Variants in PTPRD observed in about 807,000 individuals in gnomAD.
The protein encoded by PTPRD is protein tyrosine phosphatase receptor type D, also known as receptor-type tyrosine-protein phosphatase delta.
PTPRD carries 34 observed loss-of-function variants against 214.5 expected under a neutral mutation model. That is an observed-to-expected ratio of 0.16 (90% CI 0.12 to 0.21). The LOEUF (loss-of-function observed/expected upper bound fraction) is 0.21, where lower values mean the gene tolerates loss of function less well. Among genes scored for constraint, PTPRD ranks in the 10% least tolerant of loss-of-function variants. The pLI is 1.00. For synonymous variants in PTPRD, 1,128 were observed against 845.7 expected (o/e 1.33, Z -5.79); for missense variants, 2,545 against 2,398.7 (o/e 1.06, Z -1.27).
At chr9:10,070,644 A>C (rs930072653) in intron 3 of PTPRD, among the ~76,000 whole-genome samples, 5 of 152,070 alleles carry the variant, frequency 3.3e-5, no homozygotes, top group Non-Finnish European at 7.4e-5. Context: ...ATTTTAATTA[A>C]TAACAGAAGT....
At position 8,518,006 on chromosome 9, in the gene PTPRD, T is replaced by C; in HGVS notation, c.1385A>G (p.His462Arg). The C allele has an allele frequency of 1.2e-6, 2 of 1,614,204 alleles. No individual in the cohort carries two copies. The highest frequency in any genetic ancestry group is 1.7e-6 in the Non-Finnish European group (2 of 1,180,018). ...ATTGTGTTTCATCCAGTTGTTGACATGTTGAGTGGGATCCATTGTATAATA... is the reference window on the plus strand; with the variant it reads ...ATTGTGTTTCATCCAGTTGTTGACACGTTGAGTGGGATCCATTGTATAATA... ...RVYYTMDPTQ[H>R]VNNWMKHNVA... The change falls in exon 21 of 46, where the codon CAT (histidine) becomes CGT (arginine). Residue 462 changes from histidine to arginine, a missense_variant. Transcript: ENST00000381196.
chr9:8,959,367 T>A (rs945733411), intron 11 of PTPRD, among the ~76,000 whole-genome samples: 2 of 152,026 alleles, frequency 1.3e-5, no homozygotes, highest in African/African-American at 4.8e-5. Flanking sequence ...ATATATGAGT[T>A]GAGGAGAGCC....
chr9:10,231,969 AG>A (rs2099611888), intron 3 of PTPRD, among the ~76,000 whole-genome samples: 1 of 96,494 alleles, frequency 1.0e-5, no homozygotes, highest in Non-Finnish European at 2.2e-5. Context: ...AGAGAGAGAG[AG>A]AGAGAGAGAG....
Position 8,957,371 on chromosome 9 carries a change from A to AT in PTPRD, c.-104+61325dup, listed in dbSNP as rs1004151125. On this transcript the variant is annotated intron_variant, in intron 11 of 45. Coordinates refer to ENST00000381196, the MANE Select transcript of PTPRD (RefSeq NM_002839.4). ...GCTTTATTCCACAGCATGGATCTTC[A>AT]TTTTTTTTTATAGCCTTGTCTACAT... Among the ~76,000 whole-genome samples the AT allele has an allele frequency of 1.3e-4, 19 of 150,660 alleles. No individual in the cohort carries two copies. The East Asian group carries it at 1.6e-3, about 12-fold the overall frequency.
At chr9:10,120,339 C>G (rs2098764711) in intron 3 of PTPRD, among the ~76,000 whole-genome samples, 1 of 151,914 alleles carries the variant, frequency 6.6e-6, no homozygotes, top group South Asian at 2.1e-4. Context: ...TAAGTATTAT[C>G]TCTTTTAATC....
At chr9:9,032,541 A>G (rs1357724944) in intron 10 of PTPRD, among the ~76,000 whole-genome samples, 2 of 152,078 alleles carry the variant, frequency 1.3e-5, no homozygotes, top group South Asian at 2.1e-4. Flanking sequence ...CTTGCCCCCA[A>G]GGACTGCAGG....
At chr9:9,826,948 G>C (rs971291432) in intron 5 of PTPRD, among the ~76,000 whole-genome samples, 4 of 152,032 alleles carry the variant, frequency 2.6e-5, no homozygotes, top group African/African-American at 9.7e-5. Flanking sequence ...ACTTACAAGG[G>C]ATGTGAAGGA....
chr9:10,571,911 C>G (rs2067573596), intron 2 of PTPRD, among the ~76,000 whole-genome samples: 1 of 152,186 alleles, frequency 6.6e-6, no homozygotes, highest in Non-Finnish European at 1.5e-5. Context: ...TCGCCCACTA[C>G]TCACCTCCTG....
chr9:8,524,830 T>C, intron 18 of PTPRD, 95 bp downstream of exon 18: 1 of 1,006,972 alleles, frequency 9.9e-7, no homozygotes, highest in Non-Finnish European at 1.6e-6. Flanking sequence ...CCAAACCAGC[T>C]TGTTAACTAC....
At chr9:10,524,532 G>A (rs1052294400) in intron 2 of PTPRD, among the ~76,000 whole-genome samples, 2 of 151,716 alleles carry the variant, frequency 1.3e-5, no homozygotes, top group African/African-American at 4.8e-5. Context: ...AAAAATCATT[G>A]CATTAACAGA....
chr9:8,585,661 T>C (rs1266594730), intron 14 of PTPRD, among the ~76,000 whole-genome samples: 1 of 152,230 alleles, frequency 6.6e-6, no homozygotes, highest in East Asian at 1.9e-4. Context: ...CTTGCTCAGA[T>C]GAAATGTATT....
At position 8,337,867 on chromosome 9, in the gene PTPRD, A is replaced by G. The variant is rs966641536; in HGVS notation, c.5379+1055T>C. Among the ~76,000 whole-genome samples the G allele has an allele frequency of 1.9e-4, 28 of 147,612 alleles. 1 individual carries two copies. The highest frequency in any genetic ancestry group is 3.4e-3 in the Middle Eastern group (1 of 290). ...CATACCTAGCTTCAAATTCTGAAAGAGCACTATTTTTTTTTTTTTTAAACG... is the reference window on the plus strand; with the variant it reads ...CATACCTAGCTTCAAATTCTGAAAGGGCACTATTTTTTTTTTTTTTAAACG... On this transcript the variant is annotated intron_variant, in intron 43 of 45. Transcript: ENST00000381196.
intron 12 of PTPRD, among the ~76,000 whole-genome samples, chr9:8,677,464 T>G (rs2097450620): frequency 6.6e-6 from 1 of 152,098 alleles, no homozygotes; most frequent in Non-Finnish European, 1.5e-5. Flanking sequence ...AAACGGGAGC[T>G]AAACATTGAG....
chr9:9,854,500 A>G (rs1213547783), intron 5 of PTPRD, among the ~76,000 whole-genome samples: 5 of 150,438 alleles, frequency 3.3e-5, no homozygotes, highest in African/African-American at 1.2e-4. Context: ...GAAAAAAAAG[A>G]TATCTAATTT....
At chr9:9,453,524 A>G (rs999665045) in intron 8 of PTPRD, among the ~76,000 whole-genome samples, 1 of 151,664 alleles carries the variant, frequency 6.6e-6, no homozygotes, top group Non-Finnish European at 1.5e-5. Flanking sequence ...AGGTTGCCTT[A>G]TTAAATTACA....
At chr9:10,237,069 A>G (rs1364209342) in intron 3 of PTPRD, among the ~76,000 whole-genome samples, 4 of 151,872 alleles carry the variant, frequency 2.6e-5, no homozygotes, top group Non-Finnish European at 1.5e-5. Flanking sequence ...AGTCAACCCT[A>G]ATGTAAACTA....
At chr9:9,888,836 C>A (rs79534659) in intron 5 of PTPRD, among the ~76,000 whole-genome samples, 1 of 152,184 alleles carries the variant, frequency 6.6e-6, no homozygotes, top group East Asian at 1.9e-4. Flanking sequence ...TGTAGAGAAA[C>A]TGACCCAACA....
chr9:10,463,630 CTA>C (rs2098973831), intron 2 of PTPRD, among the ~76,000 whole-genome samples: 1 of 150,634 alleles, frequency 6.6e-6, no homozygotes, highest in South Asian at 2.1e-4. Flanking sequence ...GTTTTTTTTT[CTA>C]TGTCTATAAG....
chr9:9,981,154 A>G (rs983238297), intron 4 of PTPRD, among the ~76,000 whole-genome samples: 1 of 152,188 alleles, frequency 6.6e-6, no homozygotes, highest in Admixed American at 6.5e-5. Flanking sequence ...ATACAATTTT[A>G]CTTATTGGCA....
Sources: allele counts gnomAD v4.1 joint callset (sites outside exome capture counted in the v4.1 genomes callset), GRCh38; gene constraint gnomAD v4.1.1; transcripts MANE v1.5; gene names NCBI Gene and HGNC (gene_info 2026-07-23, HGNC 2026-07-21).